The following ARIH1 variants were observed in gnomAD, a reference collection of about 807,000 sequenced individuals.
The protein encoded by ARIH1 is ariadne RBR E3 ubiquitin protein ligase 1.
A neutral mutation model predicts 85.0 loss-of-function variants in ARIH1; 8 were observed. The observed-to-expected ratio is 0.09, with a 90% confidence interval of 0.06 to 0.17. The LOEUF (loss-of-function observed/expected upper bound fraction) is 0.17, where lower values mean the gene tolerates loss of function less well. Among genes scored for constraint, ARIH1 ranks in the 10% least tolerant of loss-of-function variants. ARIH1 has a pLI of 1.00. For missense variants in ARIH1, 311 were observed against 718.1 expected, an observed-to-expected ratio of 0.43 and a Z score of 6.48; for synonymous variants, 238 against 253.6, an observed-to-expected ratio of 0.94 and a Z score of 0.59.
intron 1 of ARIH1, among the ~76,000 whole-genome samples, chr15:72,486,820 A>G (rs566356741): frequency 1.6e-4 from 24 of 150,376 alleles, no homozygotes; most frequent in African/African-American, 2.7e-4. Flanking sequence ...CAGCCTCCCA[A>G]TTAGCTGAGA....
chr15:72,477,485 A>C (rs2063799292), intron 1 of ARIH1, among the ~76,000 whole-genome samples: 1 of 152,170 alleles, frequency 6.6e-6, no homozygotes, highest in African/African-American at 2.4e-5. Context: ...GCAGGTGAAA[A>C]AGTTTGAAAT....
At chr15:72,541,167 C>T (rs536424738) in intron 2 of ARIH1, among the ~76,000 whole-genome samples, 1 of 152,234 alleles carries the variant, frequency 6.6e-6, no homozygotes, top group South Asian at 2.1e-4. Context: ...AGCGAATGAG[C>T]TACAGCTGTG....
chr15:72,532,025 A>G (rs1488536303), intron 2 of ARIH1, among the ~76,000 whole-genome samples: 3 of 152,190 alleles, frequency 2.0e-5, no homozygotes, highest in African/African-American at 7.2e-5. Context: ...TCATCTTAAA[A>G]GTCTCAAGTA....
At chr15:72,555,798 G>A in intron 4 of ARIH1, 54 bp from the exon 5 acceptor site, 1 of 1,468,608 alleles carries the variant, frequency 6.8e-7, no homozygotes, top group Admixed American at 1.7e-5. Context: ...GCGATGGTAA[G>A]CATTCATTAA....
At chr15:72,543,873 T>A (rs1461585265) in intron 2 of ARIH1, among the ~76,000 whole-genome samples, 2 of 152,108 alleles carry the variant, frequency 1.3e-5, no homozygotes, top group Non-Finnish European at 2.9e-5. Context: ...TATCTATTGC[T>A]TTTCCCTTTT....
rs1288592708 is a variant in ARIH1 at position 72,586,566 on chromosome 15, T to A, written c.*3274T>A. 2 of 152,232 alleles carry A rather than the reference T, an allele frequency of 1.3e-5. No homozygotes were observed. Among genetic ancestry groups the A allele is most frequent in the Non-Finnish European group, 2.9e-5 (2 of 68,044 alleles). 9.4% of individuals were successfully genotyped at this position (152,232 alleles called of 1,614,324 possible). On this transcript the variant is annotated 3_prime_UTR_variant, in exon 14 of 14. Transcript: ENST00000379887. The stretch of plus-strand genomic sequence containing the variant: ...ACTTTTATTTTGTTATTCCATTAGT[T>A]ACTTATGTTTATTTTTATAGTTAAA...
At chr15:72,538,610 G>A (rs746501943) in intron 2 of ARIH1, among the ~76,000 whole-genome samples, 57 of 152,110 alleles carry the variant, frequency 3.7e-4, no homozygotes, top group Non-Finnish European at 7.8e-4. Flanking sequence ...TACCAGCCCC[G>A]TTTCCTCTCT....
chr15:72,551,742 A>G (rs2064153803), intron 3 of ARIH1, among the ~76,000 whole-genome samples: 1 of 152,212 alleles, frequency 6.6e-6, no homozygotes, highest in African/African-American at 2.4e-5. Flanking sequence ...GATTTCCCCT[A>G]CTTATAAATG....
intron 1 of ARIH1, among the ~76,000 whole-genome samples, chr15:72,483,764 A>C (rs1240933900): frequency 6.6e-6 from 1 of 151,586 alleles, no homozygotes; most frequent in East Asian, 1.9e-4. Context: ...TTGTAGTCTC[A>C]GAATTGGTAG....
intron 1 of ARIH1, among the ~76,000 whole-genome samples, chr15:72,516,392 CTTGTTAAAACTTGTTTTTA>C (rs2063975164): frequency 6.9e-6 from 1 of 144,612 alleles, no homozygotes; most frequent in African/African-American, 2.5e-5. Context: ...GGCAAATCCT[CTTGTTAAAACTTGTTTTTA>C]ATTTCTGAGT....
At chr15:72,483,498 C>T (rs2063824593) in intron 1 of ARIH1, among the ~76,000 whole-genome samples, 1 of 152,152 alleles carries the variant, frequency 6.6e-6, no homozygotes, top group Non-Finnish European at 1.5e-5. Flanking sequence ...GATGTGAAGA[C>T]CAGGAGGCAG....
chr15:72,520,603 G>T (rs548838256), intron 2 of ARIH1, among the ~76,000 whole-genome samples: 16 of 152,002 alleles, frequency 1.1e-4, no homozygotes, highest in Non-Finnish European at 1.9e-4. Flanking sequence ...CGCTTATTCT[G>T]TTGGCCTCAT....
chr15:72,510,526 C>T (rs148170994), intron 1 of ARIH1, among the ~76,000 whole-genome samples: 13 of 151,576 alleles, frequency 8.6e-5, no homozygotes, highest in Admixed American at 3.3e-4. Context: ...GGGTGGATCA[C>T]GAGGTCAGGA....
chr15:72,522,526 A>T (rs1296031916), intron 2 of ARIH1, among the ~76,000 whole-genome samples: 5 of 152,242 alleles, frequency 3.3e-5, no homozygotes, highest in Non-Finnish European at 7.3e-5. Flanking sequence ...TCTCGAAAAA[A>T]AGAAAAATAA....
chr15:72,545,982 G>A (rs535476595), intron 3 of ARIH1, among the ~76,000 whole-genome samples: 22 of 152,266 alleles, frequency 1.4e-4, no homozygotes, highest in African/African-American at 5.1e-4. Flanking sequence ...TAATAGTTAA[G>A]CATCTCTTTC....
At position 72,557,114 on chromosome 15, in the gene ARIH1, T is replaced by A. The variant is rs576117717; in HGVS notation, c.737+1207T>A. 2.6e-5 allele frequency among the ~76,000 whole-genome samples: 4 copies of A among 152,274 alleles called. No individual in the cohort carries two copies. The East Asian group carries it at 7.7e-4, about 29-fold the overall frequency. On this transcript the variant is annotated intron_variant, in intron 5 of 13. Coordinates refer to ENST00000379887, the MANE Select transcript of ARIH1 (RefSeq NM_005744.5). ...TATTTTTTTACTTTTTAAAATTATT[T>A]TTTGTTTAATTTTTTTTTACTTTTT...
At chr15:72,519,475 G>GTTTTTTTTTTTTTTTTTT (rs150165121) in intron 2 of ARIH1, among the ~76,000 whole-genome samples, 2 of 62,542 alleles carry the variant, frequency 3.2e-5, no homozygotes, top group African/African-American at 6.5e-5. Context: ...TGTTTTTTTT[G>GTTTTTTTTTTTTTTTTTT]TTTTTTTTTT....
At chr15:72,532,639 AACCATACATAC>A (rs1353226668) in intron 2 of ARIH1, among the ~76,000 whole-genome samples, 1 of 152,218 alleles carries the variant, frequency 6.6e-6, no homozygotes, top group Admixed American at 6.5e-5. Context: ...GATACAAAAA[AACCATACATAC>A]ACACACGCAC....
chr15:72,545,609 T>C (rs1240825547), intron 3 of ARIH1, among the ~76,000 whole-genome samples: 1 of 152,228 alleles, frequency 6.6e-6, no homozygotes, highest in East Asian at 1.9e-4. Context: ...GGCAGATCAC[T>C]TGAGGCCAGG....
Sources: allele counts gnomAD v4.1 joint callset (sites outside exome capture counted in the v4.1 genomes callset), GRCh38; gene constraint gnomAD v4.1.1; transcripts MANE v1.5; gene names NCBI Gene and HGNC (gene_info 2026-07-23, HGNC 2026-07-21).